WDR75: variants seen among roughly 807,000 people sequenced by gnomAD.
WDR75 encodes the protein WD repeat domain 75.
In WDR75, 52 loss-of-function variants were observed where a neutral mutation model predicts 106.1. That is an observed-to-expected ratio of 0.49 (90% CI 0.39 to 0.62). WDR75 has a LOEUF of 0.62. WDR75 is among the 20% of genes least tolerant of loss of function. WDR75 has a pLI of 0.00. For missense variants in WDR75, 905 were observed against 970.3 expected (o/e 0.93, Z 0.89); for synonymous variants, 333 against 335.5 (o/e 0.99, Z 0.08).
chr2:189,468,096 C>G (rs1687041518), intron 14 of WDR75, among the ~76,000 whole-genome samples: 1 of 152,128 alleles, frequency 6.6e-6, no homozygotes, highest in African/African-American at 2.4e-5. Context: ...GTCTCTAATT[C>G]CCAGCATGTC....
intron 18 of WDR75, among the ~76,000 whole-genome samples, chr2:189,471,351 T>C (rs1687115521): frequency 6.6e-6 from 1 of 152,188 alleles, no homozygotes; most frequent in Non-Finnish European, 1.5e-5. Flanking sequence ...ACACACACTT[T>C]CCCTACTTGT....
intron 9 of WDR75, among the ~76,000 whole-genome samples, chr2:189,463,482 T>A (rs1378888663): frequency 1.3e-5 from 2 of 152,132 alleles, no homozygotes; most frequent in Non-Finnish European, 2.9e-5. Context: ...TTGGCTTCCC[T>A]GAGCCACATT....
chr2:189,448,498 A>T lies in WDR75; in HGVS notation c.206A>T (p.Asn69Ile), dbSNP rs1407067674. 41 of 1,613,824 alleles carry T rather than the reference A, an allele frequency of 2.5e-5. No homozygotes were observed. The highest frequency in any genetic ancestry group is 3.5e-5 in the Non-Finnish European group (41 of 1,179,800). Residue 69 changes from asparagine to isoleucine, a missense_variant, in exon 2 of 21, where the codon AAC (asparagine) becomes ATC (isoleucine). By Grantham distance (149) the Asn-to-Ile change is moderately radical. Coordinates refer to ENST00000314761, the MANE Select transcript of WDR75 (RefSeq NM_032168.3). Reference protein sequence around the residue: ...LVTGIQLNPNNHLQLYSCSLD... With the variant: ...LVTGIQLNPNIHLQLYSCSLD... Reference sequence around the variant, plus strand: ...ACTGGAATCCAGCTTAACCCCAACAACCATCTACAGGTGTCAAACAGTTTA... The same window carrying T: ...ACTGGAATCCAGCTTAACCCCAACATCCATCTACAGGTGTCAAACAGTTTA...
intron 5 of WDR75, among the ~76,000 whole-genome samples, chr2:189,456,588 T>C (rs1392670716): frequency 6.6e-6 from 1 of 151,930 alleles, no homozygotes; most frequent in Non-Finnish European, 1.5e-5. Context: ...AAATAAGCTA[T>C]GGTGATCGAA....
Position 189,474,522 on chromosome 2 carries a change from T to A in WDR75, c.2196+190T>A, listed in dbSNP as rs1271532859. ...TTTTGTCCTGGACCTGGTGTAGGGA[T>A]AGGGGTGGTTGTTGGCATAAATGTA... On this transcript the variant is annotated intron_variant, in intron 19 of 20. Coordinates refer to ENST00000314761, the MANE Select transcript of WDR75 (RefSeq NM_032168.3). Among the ~76,000 whole-genome samples, 3 of 152,140 alleles carry A rather than the reference T, an allele frequency of 2.0e-5. No individual in the cohort carries two copies. The East Asian group carries it at 5.8e-4, about 29-fold the overall frequency.
chr2:189,451,111 G>C, intron 3 of WDR75, 143 bp downstream of exon 3: 1 of 1,126,772 alleles, frequency 8.9e-7, no homozygotes, highest in African/African-American at 1.6e-5. Flanking sequence ...AAATTAATTT[G>C]ACTATATAAA....
rs146754041 is a variant in WDR75, at chr2:189,462,602, G to T, written c.897G>T (p.Ser299=). The T allele has an allele frequency of 8.7e-6, 14 of 1,613,810 alleles. No individual in the cohort carries two copies. The highest frequency in any genetic ancestry group is 1.1e-5 in the Non-Finnish European group (13 of 1,179,900). ...LGATIEHISV[S]PAGDLFCTSH... ...CTACTATTGAACATATCTCAGTCTC[G>T]CCTGCAGGAGATTTATTCTGCACTT... The change falls in exon 9 of 21, where the codon TCG becomes TCT. Residue 299 remains serine, a synonymous_variant. Transcript: ENST00000314761.
chr2:189,465,413 T>C (rs550211860), intron 12 of WDR75, among the ~76,000 whole-genome samples, 159 bp downstream of exon 12: 38 of 152,288 alleles, frequency 2.5e-4, no homozygotes, highest in African/African-American at 8.9e-4. Context: ...CTTTCTGCTC[T>C]GAGAAGACAT....
At chr2:189,442,595 C>T (rs1686403969) in intron 1 of WDR75, among the ~76,000 whole-genome samples, 1 of 151,738 alleles carries the variant, frequency 6.6e-6, no homozygotes, top group African/African-American at 2.4e-5. Context: ...GTATTATAAG[C>T]GCGGGCCACC....
intron 2 of WDR75, chr2:189,450,526 A>G (rs1686596158): frequency 1.0e-6 from 1 of 956,144 alleles, no homozygotes; most frequent in Admixed American, 5.8e-5. Flanking sequence ...CATGTTGGCC[A>G]GGCTGGTCTC....
At chr2:189,473,639 TA>T (rs1322316985) in intron 18 of WDR75, among the ~76,000 whole-genome samples, 1 of 152,178 alleles carries the variant, frequency 6.6e-6, no homozygotes, top group Non-Finnish European at 1.5e-5. Context: ...GGGTGCTTTC[TA>T]AGTAGACTTT....
chr2:189,475,308 C>T lies in WDR75; in HGVS notation c.2384C>T (p.Thr795Ile), dbSNP rs1687191614. ...ENDFTEKVQD[T>I]SNTGLGEDII... The stretch of plus-strand genomic sequence containing the variant: ...GATTTTACCGAAAAAGTCCAGGATA[C>T]AAGTAACACAGGTTTAGGAGAAGAC... Residue 795 changes from threonine to isoleucine, a missense_variant, in exon 21 of 21, where the codon ACA becomes ATA. Physicochemically the swap from Thr to Ile is moderately conservative, Grantham distance 89. Transcript: ENST00000314761. 1.2e-6 allele frequency: 2 copies of T among 1,612,324 alleles called. No individual in the cohort carries two copies. The highest frequency in any genetic ancestry group is 1.7e-6 in the Non-Finnish European group (2 of 1,178,796).
chr2:189,454,385 A>T (rs1167086090), intron 4 of WDR75, among the ~76,000 whole-genome samples: 1 of 152,196 alleles, frequency 6.6e-6, no homozygotes, highest in Non-Finnish European at 1.5e-5. Flanking sequence ...CCATCATAGC[A>T]TTTCTGAAAA....
intron 14 of WDR75, 73 bp from the exon 15 acceptor site, chr2:189,468,402 G>T: frequency 7.3e-7 from 1 of 1,365,054 alleles, no homozygotes; most frequent in Non-Finnish European, 1.0e-6. Context: ...AACAGCCGCT[G>T]GAAGCCTGCA....
chr2:189,457,439 A>G, intron 6 of WDR75, 58 bp downstream of exon 6: 1 of 1,121,866 alleles, frequency 8.9e-7, no homozygotes, highest in Non-Finnish European at 1.3e-6. Flanking sequence ...TTATAATTTT[A>G]TTTCTTCCTA....
intron 2 of WDR75, chr2:189,449,326 C>G: frequency 7.7e-7 from 1 of 1,300,018 alleles, no homozygotes; most frequent in Non-Finnish European, 1.0e-6. Flanking sequence ...AAAGTAGCAC[C>G]GATCTTTTCT....
chr2:189,461,529 G>A (rs1558986077), intron 8 of WDR75, among the ~76,000 whole-genome samples: 1 of 151,842 alleles, frequency 6.6e-6, no homozygotes, highest in South Asian at 2.1e-4. Context: ...ACATTTGATG[G>A]TCTTTTGATA....
At chr2:189,455,624 T>C in intron 5 of WDR75, 180 bp downstream of exon 5, 3 of 713,918 alleles carry the variant, frequency 4.2e-6, no homozygotes, top group Admixed American at 3.3e-5. Context: ...TTTTTAGGAC[T>C]ATCCTTATTT....
intron 17 of WDR75, 64 bp from the exon 18 acceptor site, chr2:189,470,755 T>A: frequency 7.5e-7 from 1 of 1,331,760 alleles, no homozygotes; most frequent in Non-Finnish European, 1.0e-6. Context: ...TAACACCCTG[T>A]AACACCTTGT....
Sources: allele counts gnomAD v4.1 joint callset (sites outside exome capture counted in the v4.1 genomes callset), GRCh38; gene constraint gnomAD v4.1.1; transcripts MANE v1.5; gene names NCBI Gene and HGNC (gene_info 2026-07-23, HGNC 2026-07-21).